Variants in MTFR1 observed in about 807,000 individuals in gnomAD.
The protein encoded by MTFR1 is mitochondrial fission regulator 1, also known as chondrocyte protein with a poly-proline region.
Under a neutral mutation model 38.8 loss-of-function variants are expected in MTFR1, and 28 were observed. That is an observed-to-expected ratio of 0.72 (90% CI 0.53 to 0.99). The LOEUF is 0.99. MTFR1 is among the 50% of genes least tolerant of loss of function. The pLI is 0.00. For synonymous variants in MTFR1, 145 were observed against 137.0 expected (o/e 1.06, Z -0.41); for missense variants, 358 against 395.5 (o/e 0.91, Z 0.81).
At chr8:65,712,477 T>G (rs952669486), downstream of MTFR1, among the ~76,000 whole-genome samples, 1 of 152,204 alleles carries the variant, frequency 6.6e-6, no homozygotes, top group African/African-American at 2.4e-5. Flanking sequence ...ATAAAGATGT[T>G]ATGAGGTACA....
At position 65,707,012 on chromosome 8, in the gene MTFR1, G is replaced by A. The variant is rs1441578965; in HGVS notation, c.520G>A (p.Asp174Asn). The A allele has an allele frequency of 1.3e-6, 2 of 1,591,856 alleles. No individual in the cohort carries two copies. Among genetic ancestry groups the A allele is most frequent in the African/African-American group, 1.4e-5 (1 of 73,820 alleles). ...TTTGTTTTCCTTTGTTTCTGTAGGT[G>A]ACTTAGATTCTACCACATTTGGTAC... ...QQEQQNLTAG[D>N]LDSTTFGTIP... The change falls in exon 6 of 8, where the codon GAC (aspartate) becomes AAC (asparagine). Residue 174 changes from aspartate (D) to asparagine (N), a missense_variant and splice_region_variant. By Grantham distance (23) the Asp-to-Asn change is conservative. Coordinates refer to ENST00000262146, the MANE Select transcript of MTFR1 (RefSeq NM_014637.4).
At chr8:65,744,500 T>C (rs1292398589) in intron 3 of MTFR1, among the ~76,000 whole-genome samples, 1 of 152,110 alleles carries the variant, frequency 6.6e-6, no homozygotes, top group African/African-American at 2.4e-5. Flanking sequence ...GACCCCTCCA[T>C]CCAGAACCAA....
downstream of MTFR1, among the ~76,000 whole-genome samples, chr8:65,713,439 AACACACACAC>A (rs144454204): frequency 1.9e-3 from 264 of 137,522 alleles, 1 homozygote; most frequent in Middle Eastern, 3.6e-3. Flanking sequence ...TCCCATCTCA[AACACACACAC>A]ACACACACAC....
At chr8:65,723,237 T>A (rs1374913273) in intron 3 of MTFR1, 2 of 174,604 alleles carry the variant, frequency 1.1e-5, no homozygotes, top group Non-Finnish European at 2.4e-5. Flanking sequence ...TATCCTTTTT[T>A]AAATGGCAGT....
At chr8:65,749,968 T>C (rs1307421779) in intron 3 of MTFR1, among the ~76,000 whole-genome samples, 2 of 152,214 alleles carry the variant, frequency 1.3e-5, no homozygotes, top group Non-Finnish European at 2.9e-5. Context: ...TATAACGGAC[T>C]CTTCTAACTT....
intron 1 of MTFR1, among the ~76,000 whole-genome samples, chr8:65,653,174 T>C (rs1809165795): frequency 6.6e-6 from 1 of 152,220 alleles, no homozygotes; most frequent in Non-Finnish European, 1.5e-5. Flanking sequence ...ATCAGTATTA[T>C]TGCTTGGCAT....
At chr8:65,664,733 A>G (rs1172616189) in intron 1 of MTFR1, among the ~76,000 whole-genome samples, 10 of 148,952 alleles carry the variant, frequency 6.7e-5, no homozygotes, top group African/African-American at 2.5e-4. Context: ...GGTAGCTGGG[A>G]TTACAGGCAC....
exon 4 of MTFR1, chr8:65,771,114 G>T (rs773280112): frequency 7.0e-6 from 2 of 285,988 alleles, no homozygotes; most frequent in Non-Finnish European, 1.4e-5. Context: ...AATGGTTGAG[G>T]TCCTTCTTTT....
chr8:65,765,285 C>A (rs542121945), intron 3 of MTFR1, among the ~76,000 whole-genome samples: 1 of 151,268 alleles, frequency 6.6e-6, no homozygotes, highest in Admixed American at 6.6e-5. Flanking sequence ...GTCAGGAGAT[C>A]GAGACCATCC....
At chr8:65,695,695 T>C (rs1169685387) in intron 4 of MTFR1, among the ~76,000 whole-genome samples, 3 of 152,158 alleles carry the variant, frequency 2.0e-5, no homozygotes, top group Admixed American at 6.5e-5. Flanking sequence ...TTGTTTTGGC[T>C]GGGGGTAATA....
At chr8:65,644,509 G>C (rs1383159424), upstream of MTFR1, among the ~76,000 whole-genome samples, 1 of 152,248 alleles carries the variant, frequency 6.6e-6, no homozygotes, top group Non-Finnish European at 1.5e-5. Context: ...GGACAGGACG[G>C]TGAAGGCACA....
rs145597764 is a variant in MTFR1 at position 65,746,726 on chromosome 8, C to T, written c.*49-24221C>T. On this transcript the variant is annotated intron_variant, in intron 3 of 3. Coordinates refer to the MTFR1 transcript ENST00000521247. ...TAACAGTACTAATAACAACAAATGA[C>T]ATAGAGATCAATATTCTCATTCTAA... 3.4e-4 allele frequency among the ~76,000 whole-genome samples: 52 copies of T among 152,252 alleles called. No individual in the cohort carries two copies. The East Asian group carries it at 8.9e-3, about 26-fold the overall frequency.
At chr8:65,654,064 CAA>C (rs34665689) in intron 1 of MTFR1, among the ~76,000 whole-genome samples, 28 of 83,626 alleles carry the variant, frequency 3.3e-4, no homozygotes, top group East Asian at 1.4e-3. Flanking sequence ...CTTTGTCTCT[CAA>C]AAAAAAAAAA....
At chr8:65,738,927 T>C (rs748804120) in intron 3 of MTFR1, among the ~76,000 whole-genome samples, 5 of 152,250 alleles carry the variant, frequency 3.3e-5, no homozygotes, top group Non-Finnish European at 5.9e-5. Context: ...ATCCACAATT[T>C]CCTGTATCTG....
intron 1 of MTFR1, among the ~76,000 whole-genome samples, chr8:65,662,370 G>A (rs1330369134): frequency 2.0e-5 from 3 of 152,050 alleles, no homozygotes; most frequent in Admixed American, 2.0e-4. Flanking sequence ...GAGGTGCCGG[G>A]ATGGCAGACG....
downstream of MTFR1, among the ~76,000 whole-genome samples, chr8:65,713,820 A>G (rs1311882425): frequency 1.3e-5 from 2 of 151,948 alleles, no homozygotes; most frequent in Non-Finnish European, 2.9e-5. Flanking sequence ...AGTAGCTGGG[A>G]TTACAGGCGC....
At chr8:65,721,150 G>A (rs1369806412) in intron 3 of MTFR1, among the ~76,000 whole-genome samples, 2 of 152,206 alleles carry the variant, frequency 1.3e-5, no homozygotes, top group East Asian at 1.9e-4. Context: ...TTAGTACCTC[G>A]AACACAGCTG....
At chr8:65,737,929 C>A (rs1807221105) in intron 3 of MTFR1, among the ~76,000 whole-genome samples, 1 of 152,192 alleles carries the variant, frequency 6.6e-6, no homozygotes, top group Admixed American at 6.5e-5. Context: ...TTTGTAATTT[C>A]TCTCTACTTA....
At chr8:65,661,867 G>A (rs966831069) in intron 1 of MTFR1, among the ~76,000 whole-genome samples, 1 of 152,098 alleles carries the variant, frequency 6.6e-6, no homozygotes, top group Non-Finnish European at 1.5e-5. Context: ...GGGAGGCTGA[G>A]GTGGGAGAAT....
Sources: allele counts gnomAD v4.1 joint callset (sites outside exome capture counted in the v4.1 genomes callset), GRCh38; gene constraint gnomAD v4.1.1; transcripts MANE v1.5; gene names NCBI Gene and HGNC (gene_info 2026-07-23, HGNC 2026-07-21).